CCSER1: variants seen among roughly 807,000 people sequenced by gnomAD.
CCSER1 encodes coiled-coil serine rich protein 1, also known as serine-rich coiled-coil domain-containing protein 1.
In CCSER1, 41 loss-of-function variants were observed where a neutral mutation model predicts 82.0. The observed-to-expected ratio is 0.50, with a 90% confidence interval of 0.39 to 0.65. CCSER1 has a LOEUF of 0.65. Among genes scored for constraint, CCSER1 ranks in the 30% least tolerant of loss-of-function variants. The pLI, the probability that CCSER1 is intolerant of heterozygous loss-of-function variation, is 0.00. For synonymous variants in CCSER1, 414 were observed against 383.9 expected (o/e 1.08, Z -0.92); for missense variants, 1,119 against 1,064.2 (o/e 1.05, Z -0.72).
At chr4:90,550,833 G>C (rs1777381464) in intron 5 of CCSER1, among the ~76,000 whole-genome samples, 1 of 152,106 alleles carries the variant, frequency 6.6e-6, no homozygotes, top group African/African-American at 2.4e-5. Context: ...GGGGGGAAAA[G>C]TAGATTACGT....
intron 8 of CCSER1, among the ~76,000 whole-genome samples, chr4:90,919,835 CT>C: frequency 6.6e-6 from 1 of 151,936 alleles, no homozygotes; most frequent in African/African-American, 2.4e-5. Context: ...TCACTTTCAT[CT>C]CATTTTAGTT....
chr4:90,592,227 A>G (rs1171824446), intron 5 of CCSER1, among the ~76,000 whole-genome samples: 4 of 152,172 alleles, frequency 2.6e-5, no homozygotes, highest in Non-Finnish European at 5.9e-5. Context: ...ATAAAAAAAG[A>G]AAAAGAAAAC....
At chr4:90,896,749 C>T (rs557924520) in intron 8 of CCSER1, among the ~76,000 whole-genome samples, 88 of 151,774 alleles carry the variant, frequency 5.8e-4, no homozygotes, top group Non-Finnish European at 1.1e-3. Context: ...TTTTGGGACA[C>T]AATTTAACAA....
chr4:90,802,281 A>T (rs934824602), intron 7 of CCSER1, among the ~76,000 whole-genome samples: 2 of 148,062 alleles, frequency 1.4e-5, no homozygotes, highest in Non-Finnish European at 3.0e-5. Context: ...TTATATGTAA[A>T]TATATTTATA....
intron 7 of CCSER1, among the ~76,000 whole-genome samples, chr4:90,792,070 A>C (rs780075394): frequency 6.6e-6 from 1 of 152,186 alleles, no homozygotes; most frequent in Non-Finnish European, 1.5e-5. Flanking sequence ...GCTTCAGCTA[A>C]TGTTCATTGC....
chr4:91,427,897 T>G (rs1341501706), intron 10 of CCSER1, among the ~76,000 whole-genome samples: 2 of 138,172 alleles, frequency 1.4e-5, no homozygotes, highest in Non-Finnish European at 3.1e-5. Context: ...AATGTCTTTG[T>G]GTATAAATAT....
At chr4:91,422,558 C>T (rs1003787896) in intron 10 of CCSER1, among the ~76,000 whole-genome samples, 3 of 152,070 alleles carry the variant, frequency 2.0e-5, no homozygotes, top group African/African-American at 7.2e-5. Context: ...GACATTGGTG[C>T]TTATGAAATA....
chr4:90,387,480 A>T (rs1750239593), intron 3 of CCSER1, among the ~76,000 whole-genome samples: 1 of 152,098 alleles, frequency 6.6e-6, no homozygotes, highest in South Asian at 2.1e-4. Context: ...ACCTGATAGG[A>T]GTGTCTTTGT....
Position 90,326,055 on chromosome 4 carries a change from CTTTTTTTT to C in CCSER1, c.1509+13022_1509+13029del, listed in dbSNP as rs371592827. Among the ~76,000 whole-genome samples, 1,014 of 111,598 alleles carry C rather than the reference CTTTTTTTT, an allele frequency of 9.1e-3. 8 individuals are homozygous for C. The highest frequency in any genetic ancestry group is 0.031 in the African/African-American group (975 of 31,346). 73.2% of individuals were successfully genotyped at this position (111,598 alleles called of 152,430 possible). On this transcript the variant is annotated intron_variant, in intron 3 of 10. Transcript: ENST00000509176. ...ATTTCACAATCTTCCTATGTGATAC[CTTTTTTTT>C]TTTTTTTTTTTTTGAGACGGAATCT...
At chr4:90,932,267 C>A (rs1389473974) in intron 9 of CCSER1, among the ~76,000 whole-genome samples, 1 of 151,928 alleles carries the variant, frequency 6.6e-6, no homozygotes, top group East Asian at 1.9e-4. Flanking sequence ...TCTATACATA[C>A]CAGAATTATT....
chr4:90,433,517 T>TAATATCATAATGATACCAATTAGG (rs1180468580), intron 4 of CCSER1, among the ~76,000 whole-genome samples: 1 of 152,060 alleles, frequency 6.6e-6, no homozygotes, highest in Non-Finnish European at 1.5e-5. Flanking sequence ...TACCAAGATA[T>TAATATCATAATGATACCAATTAGG]TAAAAACCCT....
intron 6 of CCSER1, chr4:90,683,181 A>G (rs141083206): frequency 4.2e-4 from 64 of 152,232 alleles, no homozygotes; most frequent in African/African-American, 1.4e-3. Context: ...TTTCCCTTTA[A>G]GTTGCAATAA....
At chr4:90,850,329 A>G (rs1763725785) in intron 8 of CCSER1, among the ~76,000 whole-genome samples, 1 of 152,122 alleles carries the variant, frequency 6.6e-6, no homozygotes, top group Non-Finnish European at 1.5e-5. Context: ...TCCCTTCCAA[A>G]TGGGAAGATG....
chr4:91,134,795 C>T (rs1728310476), intron 10 of CCSER1, among the ~76,000 whole-genome samples: 1 of 152,134 alleles, frequency 6.6e-6, no homozygotes, highest in Non-Finnish European at 1.5e-5. Flanking sequence ...GGCGCGGTGG[C>T]TCACGCCTGT....
At chr4:90,412,815 A>G (rs1755097452) in intron 4 of CCSER1, among the ~76,000 whole-genome samples, 1 of 152,200 alleles carries the variant, frequency 6.6e-6, no homozygotes, top group African/African-American at 2.4e-5. Flanking sequence ...GAATGGGGAA[A>G]AGTTGAAAGC....
At chr4:90,524,683 G>C (rs1208613870) in intron 5 of CCSER1, among the ~76,000 whole-genome samples, 1 of 152,016 alleles carries the variant, frequency 6.6e-6, no homozygotes, top group Non-Finnish European at 1.5e-5. Flanking sequence ...TGGCCAGGAT[G>C]GTCTCTATCT....
intron 10 of CCSER1, among the ~76,000 whole-genome samples, chr4:91,146,571 T>TATC (rs1729559840): frequency 1.4e-5 from 1 of 72,844 alleles, no homozygotes; most frequent in African/African-American, 4.2e-5. Flanking sequence ...TTTCTTTCTT[T>TATC]ATCTTCTTCT....
chr4:90,773,198 C>T (rs1752457886), intron 7 of CCSER1, among the ~76,000 whole-genome samples: 1 of 152,164 alleles, frequency 6.6e-6, no homozygotes, highest in Admixed American at 6.5e-5. Flanking sequence ...CGAGTTCACG[C>T]CTTTGCACTT....
intron 5 of CCSER1, among the ~76,000 whole-genome samples, 158 bp from the exon 6 acceptor site, chr4:90,627,867 C>G (rs1409698615): frequency 1.3e-5 from 2 of 152,006 alleles, no homozygotes; most frequent in Non-Finnish European, 2.9e-5. Context: ...CAGAGTGAGA[C>G]TCCATCTCAA....
Sources: allele counts gnomAD v4.1 joint callset (sites outside exome capture counted in the v4.1 genomes callset), GRCh38; gene constraint gnomAD v4.1.1; transcripts MANE v1.5; gene names NCBI Gene and HGNC (gene_info 2026-07-23, HGNC 2026-07-21).